Variants in TTLL7 observed in about 807,000 individuals in gnomAD.
TTLL7 encodes tubulin polyglutamylase TTLL7.
TTLL7 carries 53 observed loss-of-function variants against 120.2 expected under a neutral mutation model. The observed-to-expected ratio is 0.44, with a 90% CI of 0.35 to 0.55. TTLL7 has a LOEUF of 0.55. Among genes scored for constraint, TTLL7 ranks in the 20% least tolerant of loss-of-function variants. The pLI is 0.00. For synonymous variants in TTLL7, 353 were observed against 351.7 expected (o/e 1.00, Z -0.04); for missense variants, 803 against 1,054.7 (o/e 0.76, Z 3.31).
At chr1:83,951,244 G>C (rs753783318) in intron 3 of TTLL7, among the ~76,000 whole-genome samples, 7 of 151,810 alleles carry the variant, frequency 4.6e-5, no homozygotes, top group Non-Finnish European at 1.0e-4. Context: ...AGCTACTCGC[G>C]AAACTGAGGC....
intron 20 of TTLL7, among the ~76,000 whole-genome samples, chr1:83,874,860 T>G (rs1653782249): frequency 6.6e-6 from 1 of 151,926 alleles, no homozygotes; most frequent in African/African-American, 2.4e-5. Flanking sequence ...GCCAATGAAA[T>G]AGCGTACATG....
chr1:83,897,383 A>T (rs921948986), intron 18 of TTLL7, among the ~76,000 whole-genome samples: 6 of 152,140 alleles, frequency 3.9e-5, no homozygotes, highest in Admixed American at 2.6e-4. Context: ...GAATGAGTAA[A>T]CAACTCTCAA....
At chr1:83,888,191 T>C (rs148583927) in intron 19 of TTLL7, among the ~76,000 whole-genome samples, 51 of 152,070 alleles carry the variant, frequency 3.4e-4, no homozygotes, top group Admixed American at 7.2e-4. Flanking sequence ...TTGCTCTCCA[T>C]GGTAGAGAGT....
At position 83,918,537 on chromosome 1, in the gene TTLL7, T is replaced by C. The variant is rs377106365; in HGVS notation, c.1501-847A>G. On this transcript the variant is annotated intron_variant, in intron 13 of 20. Coordinates refer to ENST00000260505, the MANE Select transcript of TTLL7 (RefSeq NM_024686.6). Reference sequence around the variant, plus strand: ...GTCCCAATCTAAGGAAATTTAGCTATTGAAATCCCAAAATACTCTTATTAT... The same window carrying C: ...GTCCCAATCTAAGGAAATTTAGCTACTGAAATCCCAAAATACTCTTATTAT... Among the ~76,000 whole-genome samples, 67 of 152,288 alleles carry C rather than the reference T, an allele frequency of 4.4e-4. 1 individual carries two copies. The South Asian group carries it at 0.013, about 30-fold the overall frequency.
intron 19 of TTLL7, among the ~76,000 whole-genome samples, chr1:83,885,377 T>C (rs935664181): frequency 6.6e-6 from 1 of 151,936 alleles, no homozygotes; most frequent in African/African-American, 2.4e-5. Context: ...TCTTTAGAGG[T>C]AGGGAAAGAA....
intron 1 of TTLL7, among the ~76,000 whole-genome samples, chr1:83,983,130 G>A (rs1005873072): frequency 3.3e-5 from 5 of 152,062 alleles, no homozygotes; most frequent in Admixed American, 2.0e-4. Flanking sequence ...TCAGGAGTTC[G>A]AGACTAGTCT....
intron 15 of TTLL7, among the ~76,000 whole-genome samples, chr1:83,908,292 T>TA (rs946799273): frequency 3.3e-5 from 5 of 151,398 alleles, no homozygotes; most frequent in Non-Finnish European, 5.9e-5. Flanking sequence ...GCATACAGGC[T>TA]AAATAGGTTA....
chr1:83,922,985 A>G (rs952425807), intron 10 of TTLL7, among the ~76,000 whole-genome samples: 2 of 150,764 alleles, frequency 1.3e-5, no homozygotes, highest in African/African-American at 4.9e-5. Context: ...CTAATTCAAT[A>G]TGAAGAATAA....
At chr1:83,872,784 A>G (rs1653555958) in intron 20 of TTLL7, among the ~76,000 whole-genome samples, 1 of 152,250 alleles carries the variant, frequency 6.6e-6, no homozygotes, top group East Asian at 1.9e-4. Context: ...GCCCAGCACT[A>G]TTCGAATTGC....
intron 7 of TTLL7, 49 bp downstream of exon 7, chr1:83,942,414 A>G: frequency 1.3e-6 from 2 of 1,481,662 alleles, no homozygotes; most frequent in Non-Finnish European, 1.9e-6. Context: ...TTTAAAAAGT[A>G]TATGTTGACA....
rs1025839294 is a variant in TTLL7, at chr1:83,948,668, C to A, written c.307G>T (p.Glu103Ter). The part of the protein sequence containing the change: ...QRINHFPGMG[E>*]ICRKDFLARN... ...GCTAAGAAATCCTTCCTACAGATCT[C>A]CCCCATTCCTGGAAAATGGTTGATC... Residue 103 changes from glutamate (E) to a stop codon, truncating the protein, a stop_gained, in exon 5 of 21, where the codon GAG becomes TAG. Coordinates refer to ENST00000260505, the MANE Select transcript of TTLL7 (RefSeq NM_024686.6). LOFTEE classifies it high-confidence loss of function. 6.2e-7 allele frequency: 1 copy of A among 1,610,092 alleles called. No individual in the cohort carries two copies. Among genetic ancestry groups the A allele is most frequent in the Admixed American group, 1.7e-5 (1 of 59,838 alleles).
intron 14 of TTLL7, chr1:83,912,633 A>G (rs1247968730): frequency 6.6e-6 from 1 of 152,172 alleles, no homozygotes; most frequent in Non-Finnish European, 1.5e-5. Flanking sequence ...AAAGACAGAA[A>G]TAGCATTTCA....
intron 1 of TTLL7, among the ~76,000 whole-genome samples, chr1:83,990,465 G>A (rs111293170): frequency 0.022 from 3,332 of 152,252 alleles, 56 homozygotes; most frequent in African/African-American, 0.044. Flanking sequence ...GTGAGCCACC[G>A]CGCCCGGCCT....
At chr1:83,947,406 T>C (rs1648608554) in intron 5 of TTLL7, 124 bp from the exon 6 acceptor site, 2 of 854,284 alleles carry the variant, frequency 2.3e-6, no homozygotes, top group Non-Finnish European at 3.5e-6. Flanking sequence ...TACTTATTCA[T>C]TGATTTCATT....
At chr1:83,897,373 G>T (rs559452918) in intron 18 of TTLL7, among the ~76,000 whole-genome samples, 1 of 152,134 alleles carries the variant, frequency 6.6e-6, no homozygotes, top group African/African-American at 2.4e-5. Flanking sequence ...GCAAATAAAT[G>T]AATGAGTAAA....
At chr1:83,956,655 C>T (rs1649549715) in intron 1 of TTLL7, among the ~76,000 whole-genome samples, 1 of 152,158 alleles carries the variant, frequency 6.6e-6, no homozygotes, top group Non-Finnish European at 1.5e-5. Context: ...GTCTCGAACT[C>T]CCGACCTCAG....
At chr1:83,940,812 C>T (rs2100838687) in intron 7 of TTLL7, among the ~76,000 whole-genome samples, 1 of 152,250 alleles carries the variant, frequency 6.6e-6, no homozygotes, top group Non-Finnish European at 1.5e-5. Flanking sequence ...TAATCATTCC[C>T]ATCCATCTCC....
chr1:83,927,682 T>A lies in TTLL7; in HGVS notation c.1142+1454A>T, dbSNP rs975255710. 2.6e-5 allele frequency among the ~76,000 whole-genome samples: 4 copies of A among 152,276 alleles called. No homozygotes were observed. The South Asian group carries it at 8.3e-4, about 32-fold the overall frequency. On this transcript the variant is annotated intron_variant, in intron 10 of 20. Coordinates refer to ENST00000260505, the MANE Select transcript of TTLL7 (RefSeq NM_024686.6). ...GAAAGATAACATAATGAAAGTAAGA[T>A]CATTCCCAATAGTCTGATTAAAATT... is the stretch of plus-strand genomic sequence containing the variant.
Position 83,919,808 on chromosome 1 carries a change from G to C in TTLL7, c.1391C>G (p.Ala464Gly). 1 of 1,611,854 alleles carries C rather than the reference G, an allele frequency of 6.2e-7. No homozygotes were observed. Among genetic ancestry groups the C allele is most frequent in the Non-Finnish European group, 8.5e-7 (1 of 1,179,092 alleles). ...YRRIYPPEDK[A>G]LLEKYENLLA... ...CAAATTTTCATACTTTTCAAGTAAT[G>C]CTTTATCTTCAGGAGGATAAATTCG... The change falls in exon 13 of 21, where the codon GCA becomes GGA. Residue 464 changes from alanine (A) to glycine (G), a missense_variant. Physicochemically the swap from Ala to Gly is moderately conservative, Grantham distance 60 (BLOSUM62 0). Coordinates refer to ENST00000260505, the MANE Select transcript of TTLL7 (RefSeq NM_024686.6).
Sources: allele counts gnomAD v4.1 joint callset (sites outside exome capture counted in the v4.1 genomes callset), GRCh38; gene constraint gnomAD v4.1.1; transcripts MANE v1.5; gene names NCBI Gene and HGNC (gene_info 2026-07-23, HGNC 2026-07-21).